PNPT1: variants seen among roughly 807,000 people sequenced by gnomAD.
The protein encoded by PNPT1 is polyribonucleotide nucleotidyltransferase 1, also known as polyribonucleotide nucleotidyltransferase 1, mitochondrial.
Under a neutral mutation model 119.5 loss-of-function variants are expected in PNPT1, and 53 were observed. The observed-to-expected ratio is 0.44, with a 90% CI of 0.36 to 0.56. PNPT1 has a LOEUF of 0.56. Among genes scored for constraint, PNPT1 ranks in the 20% least tolerant of loss-of-function variants. The probability of loss-of-function intolerance (pLI) is 0.00; values close to 1 mark genes in which losing one functional copy is unlikely to be tolerated. For synonymous variants in PNPT1, 357 were observed against 322.1 expected (o/e 1.11, Z -1.16); for missense variants, 948 against 938.5 (o/e 1.01, Z -0.13).
chr2:55,660,038 A>G (rs1433153252), intron 15 of PNPT1, 119 bp downstream of exon 15: 11 of 923,556 alleles, frequency 1.2e-5, no homozygotes, highest in South Asian at 1.2e-4. Context: ...TGGGAGGGAG[A>G]GGTTGCAGTG....
chr2:55,650,433 G>A (rs555398739), intron 18 of PNPT1, among the ~76,000 whole-genome samples: 1 of 152,166 alleles, frequency 6.6e-6, no homozygotes, highest in Non-Finnish European at 1.5e-5. Flanking sequence ...ACGGAGTCTC[G>A]TTCACTCCAT....
chr2:55,643,296 T>A, intron 24 of PNPT1, 23 bp downstream of exon 24: 1 of 1,612,322 alleles, frequency 6.2e-7, no homozygotes, highest in Admixed American at 1.7e-5. Context: ...ATATGATACG[T>A]AATTAATATG....
At chr2:55,671,275 G>C in intron 11 of PNPT1, 44 bp downstream of exon 11, 4 of 1,138,616 alleles carry the variant, frequency 3.5e-6, no homozygotes, top group Non-Finnish European at 4.9e-6. Flanking sequence ...CCTTATTAAA[G>C]CTGCCCTCAG....
chr2:55,654,925 G>A lies in PNPT1; in HGVS notation c.1470C>T (p.Gly490=), dbSNP rs773370891. The A allele has an allele frequency of 1.6e-5, 25 of 1,612,762 alleles. No homozygotes were observed. Among genetic ancestry groups the A allele is most frequent in the African/African-American group, 2.7e-5 (2 of 74,680 alleles). ...NGSSSMASAC[G]GSLALMDSGV... ...CTGAATCCATTAATGCTAAACTTCC[G>A]CCACATGCAGATGCCATAGAAGATG... The change falls in exon 18 of 28, where the codon GGC becomes GGT. Residue 490 remains glycine, a synonymous_variant. Transcript: ENST00000447944.
At chr2:55,689,523 G>A (rs1697524487) in intron 1 of PNPT1, among the ~76,000 whole-genome samples, 1 of 152,158 alleles carries the variant, frequency 6.6e-6, no homozygotes, top group Admixed American at 6.5e-5. Flanking sequence ...TTATTATTCA[G>A]CGATAAAAAG....
Position 55,634,789 on chromosome 2 carries a change from C to T in PNPT1, c.*1448G>A, listed in dbSNP as rs1395685891. On this transcript the variant is annotated 3_prime_UTR_variant, in exon 28 of 28. Transcript: ENST00000447944. ...CAGGCTGGTCTCGAACTCCTGACCTCAGGTGATCTACCCGCCTTGACCTCC... is the reference window on the plus strand; with the variant it reads ...CAGGCTGGTCTCGAACTCCTGACCTTAGGTGATCTACCCGCCTTGACCTCC... 6.6e-6 allele frequency: 1 copy of T among 152,182 alleles called. No individual in the cohort carries two copies. The highest frequency in any genetic ancestry group is 1.5e-5 in the Non-Finnish European group (1 of 68,060). The allele number at this position is 152,182 out of a possible 1,614,324, so 9.4% of individuals were successfully genotyped here.
intron 1 of PNPT1, among the ~76,000 whole-genome samples, chr2:55,692,232 T>C (rs1374747321): frequency 2.6e-5 from 4 of 152,098 alleles, no homozygotes; most frequent in African/African-American, 9.7e-5. Context: ...ACACACAGTG[T>C]GTACCCCAAA....
In PNPT1 at chr2:55,672,925, G is replaced by T; in HGVS notation, c.834C>A (p.Thr278=). Residue 278 remains threonine (T), a synonymous_variant, in exon 9 of 28, where the codon ACC becomes ACA. Transcript: ENST00000447944. ...TATATTTCACAATCTCTGGCGAAGGGGTAAATAACTTCTGAGGTGTCCTCT... is the reference window on the plus strand; with the variant it reads ...TATATTTCACAATCTCTGGCGAAGGTGTAAATAACTTCTGAGGTGTCCTCT... ...VTKRTPQKLF[T]PSPEIVKYTH... The T allele has an allele frequency of 1.2e-6, 2 of 1,608,064 alleles. No individual in the cohort carries two copies. Among genetic ancestry groups the T allele is most frequent in the African/African-American group, 1.3e-5 (1 of 74,628 alleles).
chr2:55,646,838 A>G (rs1696019499), intron 19 of PNPT1, among the ~76,000 whole-genome samples: 1 of 151,980 alleles, frequency 6.6e-6, no homozygotes, highest in Non-Finnish European at 1.5e-5. Context: ...ATTTTATTTT[A>G]TTTTATTTTA....
chr2:55,639,235 G>C (rs892094338), intron 26 of PNPT1, among the ~76,000 whole-genome samples: 1 of 152,128 alleles, frequency 6.6e-6, no homozygotes, highest in Non-Finnish European at 1.5e-5. Flanking sequence ...TGAGGGTTTA[G>C]TGTATCATTC....
At position 55,646,475 on chromosome 2, in the gene PNPT1, A is replaced by G. The variant is rs1194028419; in HGVS notation, c.1614T>C (p.Asp538=). ...TTTTGAAGTCCATGTCACCATTGTA[A>G]TCTTCAATTCCCTTCAGGAATTTAA... ...RLLTDILGIE[D]YNGDMDFKIA... The change falls in exon 20 of 28, where the codon GAT becomes GAC. Residue 538 remains aspartate, a synonymous_variant. Coordinates refer to ENST00000447944, the MANE Select transcript of PNPT1 (RefSeq NM_033109.5). 1 of 1,611,392 alleles carries G rather than the reference A, an allele frequency of 6.2e-7. No individual in the cohort carries two copies. Among genetic ancestry groups the G allele is most frequent in the Admixed American group, 1.7e-5 (1 of 59,652 alleles).
In PNPT1 at chr2:55,673,230, T is replaced by C. The variant is rs189334558; in HGVS notation, c.680-151A>G. The C allele has an allele frequency of 3.8e-5, 22 of 583,628 alleles. 1 individual carries two copies. The East Asian group carries it at 6.1e-4, about 16-fold the overall frequency. The allele number at this position is 583,628 out of a possible 1,614,324, so 36.2% of individuals were successfully genotyped here. A position where few individuals can be genotyped will look rare whatever the true frequency, so the allele number is the denominator to read the frequency against. On this transcript the variant is annotated intron_variant, in intron 8 of 27. Transcript: ENST00000447944. ...TTGATTTCTTTCCTCAGAATCAACA[T>C]ACTTCCAAAATGTAAGCAGCGGTAA...
intron 17 of PNPT1, 31 bp downstream of exon 17, chr2:55,656,100 C>G: frequency 1.3e-6 from 2 of 1,594,446 alleles, no homozygotes; most frequent in Non-Finnish European, 1.7e-6. Flanking sequence ...ATGGTCTTTT[C>G]TACTATGAAA....
At position 55,684,929 on chromosome 2, in the gene PNPT1, T is replaced by G. The variant is rs367650582; in HGVS notation, c.403+14A>C. ...ATACCAGAGAAGATGAACGCCTCTA[T>G]GTTAATATCTTACCTATTATTCGAC... On this transcript the variant is annotated intron_variant, in intron 4 of 27. Transcript: ENST00000447944. The G allele has an allele frequency of 3.9e-6, 6 of 1,543,950 alleles. No homozygotes were observed. In the African/African-American group the frequency reaches 5.5e-5, roughly 14 times the overall value.
At position 55,671,847 on chromosome 2, in the gene PNPT1, G is replaced by C. The variant is rs1011392507; in HGVS notation, c.918+148C>G. ...GTCTCAAAAACAAAACAAAACAAAAGAATGGAGAAACAATTAGGCTTTTGT... is the reference window on the plus strand; with the variant it reads ...GTCTCAAAAACAAAACAAAACAAAACAATGGAGAAACAATTAGGCTTTTGT... On this transcript the variant is annotated intron_variant, in intron 10 of 27. Coordinates refer to ENST00000447944, the MANE Select transcript of PNPT1 (RefSeq NM_033109.5). The C allele has an allele frequency of 9.4e-6, 6 of 635,370 alleles. No individual in the cohort carries two copies. In the East Asian group the frequency reaches 1.8e-4, roughly 19 times the overall value. 39.4% of individuals were successfully genotyped at this position (635,370 alleles called of 1,614,324 possible). A position where few individuals can be genotyped will look rare whatever the true frequency, so the allele number is the denominator to read the frequency against.
intron 8 of PNPT1, among the ~76,000 whole-genome samples, chr2:55,674,764 G>A (rs1260449767): frequency 6.6e-6 from 1 of 152,154 alleles, no homozygotes; most frequent in Non-Finnish European, 1.5e-5. Context: ...CATTCCAAAT[G>A]GGAGAGGGTA....
At chr2:55,644,558 C>T in intron 23 of PNPT1, 79 bp downstream of exon 23, 4 of 962,136 alleles carry the variant, frequency 4.2e-6, no homozygotes, top group Non-Finnish European at 6.2e-6. Flanking sequence ...ATATTTAAAG[C>T]AACATACTAG....
chr2:55,692,969 GTCTC>G (rs1292853956), intron 1 of PNPT1, among the ~76,000 whole-genome samples: 1 of 151,620 alleles, frequency 6.6e-6, no homozygotes. Flanking sequence ...CCCTGTCACT[GTCTC>G]TCTCTCTCCC....
At chr2:55,673,711 G>A (rs773116285) in intron 8 of PNPT1, among the ~76,000 whole-genome samples, 8 of 152,202 alleles carry the variant, frequency 5.3e-5, no homozygotes, top group Non-Finnish European at 1.0e-4. Flanking sequence ...GCCTCCCAAA[G>A]TGCTGGGATT....
Sources: allele counts gnomAD v4.1 joint callset (sites outside exome capture counted in the v4.1 genomes callset), GRCh38; gene constraint gnomAD v4.1.1; transcripts MANE v1.5; gene names NCBI Gene and HGNC (gene_info 2026-07-23, HGNC 2026-07-21).